The following STAG1 variants were observed in gnomAD, a reference collection of about 807,000 sequenced individuals.
The protein encoded by STAG1 is cohesin subunit SA-1.
In STAG1, 26 loss-of-function variants were observed where a neutral mutation model predicts 170.9. The observed-to-expected ratio is 0.15, with a 90% CI of 0.11 to 0.21. STAG1 has a LOEUF of 0.21. STAG1 is among the 10% of genes least tolerant of loss of function. The pLI is 1.00. For missense variants in STAG1, 964 were observed against 1,509.5 expected (o/e 0.64, Z 5.99); for synonymous variants, 514 against 497.7 (o/e 1.03, Z -0.44).
chr3:136,408,402 A>G (rs1220323394), intron 21 of STAG1, among the ~76,000 whole-genome samples: 1 of 152,174 alleles, frequency 6.6e-6, no homozygotes, highest in Non-Finnish European at 1.5e-5. Flanking sequence ...GAATGGAGAG[A>G]GGGTGAAACT....
chr3:136,398,856 T>A (rs543776634), intron 21 of STAG1, 27 bp from the exon 22 acceptor site: 53 of 1,456,758 alleles, frequency 3.6e-5, no homozygotes, highest in Non-Finnish European at 4.3e-5. Context: ...AAAATTTTTT[T>A]AATGAAAAAT....
chr3:136,489,130 G>T (rs2090073482), intron 9 of STAG1, among the ~76,000 whole-genome samples: 1 of 152,128 alleles, frequency 6.6e-6, no homozygotes, highest in Non-Finnish European at 1.5e-5. Context: ...AACTAGAAAA[G>T]AATAATTCAG....
At chr3:136,674,799 T>TA (rs1942083681) in intron 1 of STAG1, among the ~76,000 whole-genome samples, 3 of 152,218 alleles carry the variant, frequency 2.0e-5, no homozygotes, top group African/African-American at 7.2e-5. Flanking sequence ...AGCTGTTTTT[T>TA]AAAAAGCTAA....
intron 9 of STAG1, among the ~76,000 whole-genome samples, chr3:136,489,517 C>G (rs1445599364): frequency 6.6e-6 from 1 of 152,050 alleles, no homozygotes; most frequent in Admixed American, 6.6e-5. Context: ...TGCTCATGTA[C>G]AAGGAATCTC....
chr3:136,362,527 GGAGGCCGAGGTAGGTGGATCACTT>G (rs1353146164), intron 26 of STAG1, among the ~76,000 whole-genome samples: 1 of 148,606 alleles, frequency 6.7e-6, no homozygotes, highest in Non-Finnish European at 1.5e-5. Context: ...CAGCACTTTG[GGAGGCCGAGGTAGGTGGATCACTT>G]GAGGCCGAGG....
intron 13 of STAG1, among the ~76,000 whole-genome samples, chr3:136,457,311 G>A (rs1424461334): frequency 3.9e-5 from 6 of 152,050 alleles, no homozygotes; most frequent in South Asian, 2.1e-4. Context: ...TCCCAGGCTC[G>A]TAAACATGTT....
intron 23 of STAG1, among the ~76,000 whole-genome samples, chr3:136,371,676 C>T (rs1184238061): frequency 6.6e-6 from 1 of 152,068 alleles, no homozygotes; most frequent in African/African-American, 2.4e-5. Flanking sequence ...AGATATGCGG[C>T]ATTATTTCTG....
intron 15 of STAG1, among the ~76,000 whole-genome samples, chr3:136,441,684 G>A (rs557833673): frequency 6.6e-6 from 1 of 152,200 alleles, no homozygotes; most frequent in Non-Finnish European, 1.5e-5. Context: ...TACTGCGGGG[G>A]ATGGCTCATT....
At chr3:136,396,214 T>G (rs1398692495) in intron 22 of STAG1, among the ~76,000 whole-genome samples, 4 of 143,044 alleles carry the variant, frequency 2.8e-5, no homozygotes, top group East Asian at 2.1e-4. Flanking sequence ...ACACAGTTTT[T>G]TTTTTTTTTT....
chr3:136,626,407 AGAGT>A (rs1234013333), intron 2 of STAG1, among the ~76,000 whole-genome samples: 1 of 151,492 alleles, frequency 6.6e-6, no homozygotes, highest in Non-Finnish European at 1.5e-5. Flanking sequence ...CCTGAGCAAC[AGAGT>A]GAGACTACAT....
At chr3:136,408,300 A>G (rs2087538021) in intron 21 of STAG1, among the ~76,000 whole-genome samples, 1 of 152,210 alleles carries the variant, frequency 6.6e-6, no homozygotes, top group Admixed American at 6.5e-5. Context: ...TACACATACA[A>G]CAGTATTTGA....
chr3:136,670,732 A>G (rs1198479423), intron 1 of STAG1, among the ~76,000 whole-genome samples: 2 of 152,110 alleles, frequency 1.3e-5, no homozygotes, highest in Non-Finnish European at 2.9e-5. Context: ...TCAGCCTCCC[A>G]AAGTGCTGGG....
intron 4 of STAG1, among the ~76,000 whole-genome samples, chr3:136,574,450 G>A (rs1160390340): frequency 1.3e-5 from 2 of 151,414 alleles, no homozygotes; most frequent in Non-Finnish European, 2.9e-5. Context: ...GTGTATGTGT[G>A]TATATACACA....
At chr3:136,668,059 C>G (rs1941852882) in intron 1 of STAG1, among the ~76,000 whole-genome samples, 2 of 151,664 alleles carry the variant, frequency 1.3e-5, no homozygotes, top group Admixed American at 1.3e-4. Flanking sequence ...GAACAAAACT[C>G]TGTCTCTTCT....
chr3:136,468,025 A>G (rs1358467308), intron 12 of STAG1, among the ~76,000 whole-genome samples: 3 of 152,234 alleles, frequency 2.0e-5, no homozygotes, highest in Non-Finnish European at 4.4e-5. Context: ...AGGGAAATGT[A>G]TAGCACTAAA....
intron 1 of STAG1, among the ~76,000 whole-genome samples, chr3:136,646,787 T>C (rs1941034570): frequency 1.3e-5 from 2 of 151,950 alleles, no homozygotes; most frequent in Non-Finnish European, 2.9e-5. Context: ...ATGCCTGTAA[T>C]CCCAGCTACT....
chr3:136,395,824 A>G (rs931209049), intron 22 of STAG1, among the ~76,000 whole-genome samples: 4 of 152,238 alleles, frequency 2.6e-5, no homozygotes, highest in African/African-American at 9.6e-5. Context: ...GGTGAGAATA[A>G]AAGCAATTGT....
intron 1 of STAG1, among the ~76,000 whole-genome samples, chr3:136,650,175 G>T (rs1941167162): frequency 4.0e-5 from 6 of 151,408 alleles, no homozygotes; most frequent in Admixed American, 3.3e-4. Context: ...AGTCGAGGCT[G>T]CAGTGAGCTA....
intron 1 of STAG1, among the ~76,000 whole-genome samples, chr3:136,679,833 C>A (rs1209744507): frequency 6.6e-6 from 1 of 151,324 alleles, no homozygotes; most frequent in African/African-American, 2.4e-5. Context: ...TCCTGGGAGG[C>A]GGAGGTTGCA....
Sources: gnomAD v4.1 joint callset for allele counts (sites outside exome capture counted in the v4.1 genomes callset) on GRCh38, gnomAD v4.1.1 for gene constraint, MANE v1.5 for transcripts, NCBI Gene and HGNC (gene_info 2026-07-23, HGNC 2026-07-21) for gene names.